PAX1: variants seen among roughly 807,000 people sequenced by gnomAD.
The protein encoded by PAX1 is paired box 1.
PAX1 carries 18 observed loss-of-function variants against 35.6 expected under a neutral mutation model. The ratio of observed to expected loss-of-function variants is 0.50; its 90% confidence interval spans 0.35 to 0.75. PAX1 has a LOEUF of 0.75. Ranked by LOEUF, PAX1 falls within the 30% of genes least tolerant of loss-of-function variation. PAX1 has a pLI of 0.01. For synonymous variants in PAX1, 397 were observed against 305.2 expected (o/e 1.30, Z -3.14); for missense variants, 760 against 661.5 (o/e 1.15, Z -1.63).
Position 21,715,202 on chromosome 20 carries a change from C to T in PAX1, c.*640C>T. 1 of 258,888 alleles carries T rather than the reference C, an allele frequency of 3.9e-6. No individual in the cohort carries two copies. The highest frequency in any genetic ancestry group is 4.8e-5 in the South Asian group (1 of 21,052). The allele number at this position is 258,888 out of a possible 1,614,324, so 16.0% of individuals were successfully genotyped here. ...TAGTTCCCTTTGTTTTACTGCTTCC[C>T]CAACCCTCCCTCAGTCCCTGAGAGC... is the stretch of plus-strand genomic sequence containing the variant. On this transcript the variant is annotated 3_prime_UTR_variant, in exon 5 of 5. Coordinates refer to ENST00000613128, the MANE Select transcript of PAX1 (RefSeq NM_001257096.2).
At position 21,717,996 on chromosome 20, in the gene PAX1, C is replaced by T. The variant is rs1487741770; in HGVS notation, c.*3434C>T. On this transcript the variant is annotated 3_prime_UTR_variant, in exon 5 of 5. Coordinates refer to ENST00000613128, the MANE Select transcript of PAX1 (RefSeq NM_001257096.2). Reference sequence around the variant, plus strand: ...ACTAATGAGTTGTGCTGTGCACACACAGACATGAGCTGAAGATCTGCTCTT... The same window carrying T: ...ACTAATGAGTTGTGCTGTGCACACATAGACATGAGCTGAAGATCTGCTCTT... The T allele has an allele frequency of 2.0e-5, 3 of 152,224 alleles. No individual in the cohort carries two copies. The highest frequency in any genetic ancestry group is 7.2e-5 in the African/African-American group (3 of 41,452). The allele number at this position is 152,224 out of a possible 1,614,324, so 9.4% of individuals were successfully genotyped here.
intron 2 of PAX1, among the ~76,000 whole-genome samples, chr20:21,708,105 C>T (rs1434161519): frequency 5.3e-5 from 8 of 152,230 alleles, no homozygotes; most frequent in Non-Finnish European, 8.8e-5. Flanking sequence ...ACAATGTTGA[C>T]GCTTCTTTTG....
At chr20:21,711,317 G>A (rs1985194135) in intron 4 of PAX1, among the ~76,000 whole-genome samples, 1 of 152,232 alleles carries the variant, frequency 6.6e-6, no homozygotes, top group Admixed American at 6.5e-5. Context: ...ATTATAAAGT[G>A]CAGATAATAA....
In PAX1 at chr20:21,709,243, G is replaced by A. The variant is rs749682441; in HGVS notation, c.1081G>A (p.Val361Met). ...ACAGTCGGCCTCCACCCTCTCTGCC[G>A]TGGGCGGCTTTCTCCCCGCCTGCGC... ...YTQSASTLSA[V>M]GGFLPACAYP... The change falls in exon 4 of 5, where the codon GTG becomes ATG. Residue 361 changes from valine to methionine, a missense_variant. Val to Met is a conservative substitution (Grantham distance 21). Transcript: ENST00000613128. 6.2e-7 allele frequency: 1 copy of A among 1,606,688 alleles called. No individual in the cohort carries two copies. The highest frequency in any genetic ancestry group is 1.1e-5 in the South Asian group (1 of 91,070).
intron 4 of PAX1, among the ~76,000 whole-genome samples, chr20:21,710,369 G>A (rs543211903): frequency 7.2e-5 from 11 of 152,286 alleles, no homozygotes; most frequent in African/African-American, 2.6e-4. Flanking sequence ...GTTCAAACTT[G>A]CCAGTGCTTA....
At chr20:21,711,008 AG>A (rs1985182121) in intron 4 of PAX1, among the ~76,000 whole-genome samples, 1 of 152,236 alleles carries the variant, frequency 6.6e-6, no homozygotes, top group Non-Finnish European at 1.5e-5. Flanking sequence ...AGGATAGTTA[AG>A]GGGTCGCAGA....
At position 21,705,944 on chromosome 20, in the gene PAX1, C is replaced by T; in HGVS notation, c.232C>T (p.Pro78Ser). The T allele has an allele frequency of 6.8e-7, 1 of 1,481,442 alleles. No homozygotes were observed. The highest frequency in any genetic ancestry group is 8.9e-7 in the Non-Finnish European group (1 of 1,123,894). The allele number at this position is 1,481,442 out of a possible 1,614,324, so 91.8% of individuals were successfully genotyped here. The change falls in exon 1 of 5, where the codon CCC becomes TCC. Residue 78 changes from proline (P) to serine (S), a missense_variant. Transcript: ENST00000613128. The part of the protein sequence containing the change: ...QALPDCAGPS[P>S]GHPGHPGARQ... ...TCTCCCGGACTGCGCCGGGCCCAGC[C>T]CCGGCCACCCCGGCCACCCCGGCGC...
At position 21,714,776 on chromosome 20, in the gene PAX1, T is replaced by G. The variant is rs747337715; in HGVS notation, c.*214T>G. 1.2e-6 allele frequency: 2 copies of G among 1,600,752 alleles called. No individual in the cohort carries two copies. The highest frequency in any genetic ancestry group is 3.3e-5 in the Admixed American group (2 of 60,028). On this transcript the variant is annotated 3_prime_UTR_variant, in exon 5 of 5. Coordinates refer to ENST00000613128, the MANE Select transcript of PAX1 (RefSeq NM_001257096.2). ...CACACTTCCTTTATTGGTCTGGGTT[T>G]TTAGGCTTCTCTGAACTTGGGTTTT...
intron 4 of PAX1, among the ~76,000 whole-genome samples, chr20:21,712,486 C>T (rs947721508): frequency 2.2e-4 from 34 of 152,174 alleles, no homozygotes; most frequent in African/African-American, 7.5e-4. Flanking sequence ...CTCCCCTTCC[C>T]CACCCTTAGG....
At position 21,708,384 on chromosome 20, in the gene PAX1, C is replaced by A. The variant is rs17861033; in HGVS notation, c.917-174C>A. ...CAGGCCTGGCTGCCTTTCCTCCGCCCCACCCGGAGTGGTGAACATTCCAGT... is the reference window on the plus strand; with the variant it reads ...CAGGCCTGGCTGCCTTTCCTCCGCCACACCCGGAGTGGTGAACATTCCAGT... On this transcript the variant is annotated intron_variant, in intron 2 of 4. Transcript: ENST00000613128. 52,464 of 803,766 alleles carry A rather than the reference C, an allele frequency of 0.065. 4,229 individuals are homozygous for A. The highest frequency in any genetic ancestry group is 0.3 in the East Asian group (12,305 of 40,876). 49.8% of individuals were successfully genotyped at this position (803,766 alleles called of 1,614,324 possible).
chr20:21,717,259 C>G lies in PAX1; in HGVS notation c.*2697C>G, dbSNP rs1033501410. 2 of 152,230 alleles carry G rather than the reference C, an allele frequency of 1.3e-5. No homozygotes were observed. The highest frequency in any genetic ancestry group is 1.3e-4 in the Admixed American group (2 of 15,276). 9.4% of individuals were successfully genotyped at this position (152,230 alleles called of 1,614,324 possible). A position where few individuals can be genotyped will look rare whatever the true frequency, so the allele number is the denominator to read the frequency against. ...TTCATGTGGGGTGTGGAGGGACATA[C>G]CCCCTCTCTCGCGGCTGGGGGTCAC... On this transcript the variant is annotated 3_prime_UTR_variant, in exon 5 of 5. Coordinates refer to ENST00000613128, the MANE Select transcript of PAX1 (RefSeq NM_001257096.2).
intron 2 of PAX1, 182 bp from the exon 3 acceptor site, chr20:21,708,376 C>A (rs1985082325): frequency 3.8e-6 from 3 of 780,858 alleles, no homozygotes; most frequent in Non-Finnish European, 7.0e-6. Flanking sequence ...GGCTGCCTTT[C>A]CTCCGCCCCA....
At position 21,714,539 on chromosome 20, in the gene PAX1, C is replaced by T. The variant is rs1985300665; in HGVS notation, c.1351C>T (p.Pro451Ser). Reference protein sequence around the residue: ...PDALSSLHGLPIPASTS With the variant: ...PDALSSLHGLSIPASTS ...CGCCCTCAGTAGCTTACACGGACTG[C>T]CCATCCCGGCCTCGACCTCCTAGGG... The change falls in exon 5 of 5, where the codon CCC (proline) becomes TCC (serine). Residue 451 changes from proline (P) to serine (S), a missense_variant. Transcript: ENST00000613128. The T allele has an allele frequency of 3.1e-6, 5 of 1,594,414 alleles. No homozygotes were observed. The highest frequency in any genetic ancestry group is 1.1e-5 in the South Asian group (1 of 88,216).
chr20:21,709,466 G>A, intron 4 of PAX1, 22 bp downstream of exon 4: 1 of 1,487,716 alleles, frequency 6.7e-7, no homozygotes, highest in South Asian at 1.3e-5. Context: ...AGGGAGTGGG[G>A]CGGGTGGATG....
rs914839535 is a variant in PAX1 at position 21,715,096 on chromosome 20, T to A, written c.*534T>A. The A allele has an allele frequency of 1.7e-5, 9 of 530,730 alleles. No homozygotes were observed. The African/African-American group carries it at 1.7e-4, about 10-fold the overall frequency. 32.9% of individuals were successfully genotyped at this position (530,730 alleles called of 1,614,324 possible). A position where few individuals can be genotyped will look rare whatever the true frequency, so the allele number is the denominator to read the frequency against. On this transcript the variant is annotated 3_prime_UTR_variant, in exon 5 of 5. Coordinates refer to ENST00000613128, the MANE Select transcript of PAX1 (RefSeq NM_001257096.2). ...TTCCCCCGTCTCCTCTTTCTAGTCC[T>A]CTATATGCTATCAGCCCTTTTTCCT...
chr20:21,708,319 G>A (rs938663924), intron 2 of PAX1: 28 of 628,714 alleles, frequency 4.5e-5, no homozygotes, highest in African/African-American at 3.4e-4. Context: ...GCAGCCTCCC[G>A]TTCGTGGGAA....
rs1190012017 is a variant in PAX1 at position 21,706,280 on chromosome 20, C to T, written c.287-158C>T. 9.9e-7 allele frequency: 1 copy of T among 1,007,348 alleles called. No homozygotes were observed. The highest frequency in any genetic ancestry group is 1.6e-5 in the African/African-American group (1 of 62,930). The allele number at this position is 1,007,348 out of a possible 1,614,324, so 62.4% of individuals were successfully genotyped here. On this transcript the variant is annotated intron_variant, in intron 1 of 4. Transcript: ENST00000613128. This position sits in a 1 kb window ranked among gnomAD's most constrained non-coding sequence, Gnocchi z 5.3. ...CGCCCTTGCCCACTCCAAGCCAGAC[C>T]CAGGCGGTTTGCCCTTGGACTCCGA...
Position 21,706,648 on chromosome 20 carries a change from G to A in PAX1, c.497G>A (p.Gly166Glu). Residue 166 changes from glycine to glutamate, a missense_variant, in exon 2 of 5, where the codon GGG (glycine) becomes GAG (glutamate). Coordinates refer to ENST00000613128, the MANE Select transcript of PAX1 (RefSeq NM_001257096.2). The surrounding 1 kb of genome is among the most constrained non-coding windows in gnomAD (Gnocchi z 5.3). Reference sequence around the variant, plus strand: ...GGCTCCATTCTGCCCGGGGCCATCGGGGGGAGCAAGCCCCGCGTCACCACT... The same window carrying A: ...GGCTCCATTCTGCCCGGGGCCATCGAGGGGAGCAAGCCCCGCGTCACCACT... ...ETGSILPGAI[G>E]GSKPRVTTPN... 1.2e-6 allele frequency: 2 copies of A among 1,612,256 alleles called. No individual in the cohort carries two copies. The highest frequency in any genetic ancestry group is 8.5e-7 in the Non-Finnish European group (1 of 1,180,036).
At chr20:21,710,444 G>C (rs1001285928) in intron 4 of PAX1, among the ~76,000 whole-genome samples, 1 of 152,206 alleles carries the variant, frequency 6.6e-6, no homozygotes, top group Non-Finnish European at 1.5e-5. Context: ...ACCCCAGGTC[G>C]TCCCAGCCCC....
Sources: allele counts gnomAD v4.1 joint callset (sites outside exome capture counted in the v4.1 genomes callset), GRCh38; gene constraint gnomAD v4.1.1; non-coding constraint Gnocchi (gnomAD v3.1); transcripts MANE v1.5; gene names NCBI Gene and HGNC (gene_info 2026-07-23, HGNC 2026-07-21).